Variants in ZNF471 observed in about 807,000 individuals in gnomAD.
ZNF471 encodes zinc finger protein 471.
Under a neutral mutation model 13.7 loss-of-function variants are expected in ZNF471, and 7 were observed. The observed-to-expected ratio is 0.51, with a 90% CI of 0.29 to 0.96. The LOEUF (loss-of-function observed/expected upper bound fraction) is 0.96. ZNF471 is among the 40% of genes least tolerant of loss of function. The probability of loss-of-function intolerance (pLI) is 0.08; values close to 1 mark genes in which losing one functional copy is unlikely to be tolerated. For synonymous variants in ZNF471, 218 were observed against 235.6 expected, an observed-to-expected ratio of 0.93 and a Z score of 0.68; for missense variants, 663 against 743.3, an observed-to-expected ratio of 0.89 and a Z score of 1.26.
rs973689613 is a variant in ZNF471, at chr19:56,525,744, T to C, written c.1677T>C (p.Thr559=). 1.2e-5 allele frequency: 20 copies of C among 1,613,750 alleles called. No individual in the cohort carries two copies. Among genetic ancestry groups the C allele is most frequent in the Non-Finnish European group, 1.5e-5 (18 of 1,179,828 alleles). ...GKAFSQTSNL[T]QHQRIHTGEK... Reference sequence around the variant, plus strand: ...CCTTCAGCCAAACTTCCAATCTTACTCAACATCAAAGAATTCATACTGGAG... The same window carrying C: ...CCTTCAGCCAAACTTCCAATCTTACCCAACATCAAAGAATTCATACTGGAG... Residue 559 remains threonine (T), a synonymous_variant, in exon 5 of 5, where the codon ACT becomes ACC. Transcript: ENST00000308031.
Position 56,525,557 on chromosome 19 carries a change from G to A in ZNF471, c.1490G>A (p.Arg497Lys). The A allele has an allele frequency of 6.2e-7, 1 of 1,614,006 alleles. No homozygotes were observed. The highest frequency in any genetic ancestry group is 8.5e-7 in the Non-Finnish European group (1 of 1,179,986). ...YECKECGKAF[R>K]ISSQLATHQR... ...TGTAAAGAATGTGGAAAAGCTTTTA[G>A]AATCAGTTCACAGCTGGCTACTCAT... The change falls in exon 5 of 5, where the codon AGA becomes AAA. Residue 497 changes from arginine (R) to lysine (K), a missense_variant. By Grantham distance (26) the Arg-to-Lys change is conservative. Coordinates refer to ENST00000308031, the MANE Select transcript of ZNF471 (RefSeq NM_020813.4).
At chr19:56,512,876 C>T (rs946434777) in intron 2 of ZNF471, among the ~76,000 whole-genome samples, 1 of 151,944 alleles carries the variant, frequency 6.6e-6, no homozygotes, top group African/African-American at 2.4e-5. Flanking sequence ...TGGAAAGTTA[C>T]GTTAAATTAA....
intron 3 of ZNF471, 50 bp from the exon 4 acceptor site, chr19:56,518,432 T>C: frequency 6.7e-7 from 1 of 1,482,892 alleles, no homozygotes; most frequent in Non-Finnish European, 9.3e-7. Flanking sequence ...CTTTTAGTTC[T>C]GAAATAACCC....
chr19:56,507,907 A>C lies in ZNF471; in HGVS notation c.-69A>C. ...CTTCGGATGAGAGCGTCTGGGTGCC[A>C]GACGAGGCCGGGGGTTTGTTTTGGG... On this transcript the variant is annotated 5_prime_UTR_variant, in exon 1 of 5. Coordinates refer to ENST00000308031, the MANE Select transcript of ZNF471 (RefSeq NM_020813.4). The C allele has an allele frequency of 1.0e-6, 1 of 985,600 alleles. No individual in the cohort carries two copies. The highest frequency in any genetic ancestry group is 1.2e-6 in the Non-Finnish European group (1 of 830,040). 61.1% of individuals were successfully genotyped at this position (985,600 alleles called of 1,614,324 possible).
chr19:56,518,156 AT>A (rs34394857), intron 3 of ZNF471, among the ~76,000 whole-genome samples: 1 of 152,042 alleles, frequency 6.6e-6, no homozygotes, highest in Non-Finnish European at 1.5e-5. Flanking sequence ...AAGAGTATTG[AT>A]TTTTTTCTAA....
chr19:56,514,032 A>AT (rs1450586150), intron 2 of ZNF471, among the ~76,000 whole-genome samples: 2 of 134,552 alleles, frequency 1.5e-5, no homozygotes, highest in Non-Finnish European at 3.3e-5. Context: ...CTTAGTTTAG[A>AT]TTTTCTTTCA....
chr19:56,526,996 GCCT>G lies in ZNF471; in HGVS notation c.*1053_*1055del, dbSNP rs1430608611. ...CTTGAGCTCTGCTAAGGGACAGACT[GCCT>G]CCTCAAGTGGGTCCCTGACCCCCAT... On this transcript the variant is annotated 3_prime_UTR_variant, in exon 5 of 5. Transcript: ENST00000308031. 6.5e-6 allele frequency: 1 copy of G among 153,818 alleles called. No individual in the cohort carries two copies. The highest frequency in any genetic ancestry group is 1.4e-5 in the Non-Finnish European group (1 of 69,380). 9.5% of individuals were successfully genotyped at this position (153,818 alleles called of 1,614,324 possible). A position where few individuals can be genotyped will look rare whatever the true frequency, so the allele number is the denominator to read the frequency against.
rs909354182 is a variant in ZNF471 at position 56,529,905 on chromosome 19, T to C, written c.*3957T>C. On this transcript the variant is annotated 3_prime_UTR_variant, in exon 5 of 5. Coordinates refer to ENST00000308031, the MANE Select transcript of ZNF471 (RefSeq NM_020813.4). ...TGGTGTTACCTGTCAGCATTTTGAA[T>C]ATAATTACCCTTTGCCACAATTCTA... 2 of 152,214 alleles carry C rather than the reference T, an allele frequency of 1.3e-5. No individual in the cohort carries two copies. Among genetic ancestry groups the C allele is most frequent in the African/African-American group, 4.8e-5 (2 of 41,448 alleles). 9.4% of individuals were successfully genotyped at this position (152,214 alleles called of 1,614,324 possible). A position where few individuals can be genotyped will look rare whatever the true frequency, so the allele number is the denominator to read the frequency against.
chr19:56,514,685 G>T (rs1366632958), intron 2 of ZNF471, among the ~76,000 whole-genome samples: 3 of 151,488 alleles, frequency 2.0e-5, no homozygotes, highest in Admixed American at 2.0e-4. Flanking sequence ...TACTGTTGAT[G>T]TTAATAGATG....
chr19:56,515,696 T>C (rs2043876271), intron 2 of ZNF471, among the ~76,000 whole-genome samples: 1 of 152,196 alleles, frequency 6.6e-6, no homozygotes. Flanking sequence ...ACAATAACTT[T>C]TAAAATTTCT....
chr19:56,510,156 C>G lies in ZNF471; in HGVS notation c.-55-1361C>G. 2.0e-6 allele frequency: 2 copies of G among 985,246 alleles called. No homozygotes were observed. Among genetic ancestry groups the G allele is most frequent in the Non-Finnish European group, 2.4e-6 (2 of 829,940 alleles). 61.0% of individuals were successfully genotyped at this position (985,246 alleles called of 1,614,324 possible). On this transcript the variant is annotated intron_variant, in intron 1 of 4. Coordinates refer to ENST00000308031, the MANE Select transcript of ZNF471 (RefSeq NM_020813.4). This position sits in a 1 kb window ranked among gnomAD's most constrained non-coding sequence, Gnocchi z 4.3. ...ATGAAAAAGATTGGAGTGAGAGTGA[C>G]CAGTATGTATTTTGTGTGCATGAGA...
chr19:56,514,941 A>G (rs548529530), intron 2 of ZNF471, among the ~76,000 whole-genome samples: 13 of 114,182 alleles, frequency 1.1e-4, no homozygotes, highest in African/African-American at 3.4e-4. Context: ...TCACTTACTC[A>G]GTATTAATCC....
rs1294797731 is a variant in ZNF471, at chr19:56,529,526, G to C, written c.*3578G>C. The C allele has an allele frequency of 6.6e-6, 1 of 152,206 alleles. No homozygotes were observed. Among genetic ancestry groups the C allele is most frequent in the Non-Finnish European group, 1.5e-5 (1 of 68,038 alleles). The allele number at this position is 152,206 out of a possible 1,614,324, so 9.4% of individuals were successfully genotyped here. A position where few individuals can be genotyped will look rare whatever the true frequency, so the allele number is the denominator to read the frequency against. ...CATGGCGTAAGATACTGTATGCAAA[G>C]TTAAAAGGCATATGACAGGCTGAGA... On this transcript the variant is annotated 3_prime_UTR_variant, in exon 5 of 5. Coordinates refer to ENST00000308031, the MANE Select transcript of ZNF471 (RefSeq NM_020813.4).
In ZNF471 at chr19:56,529,460, A is replaced by T. The variant is rs2044083965; in HGVS notation, c.*3512A>T. On this transcript the variant is annotated 3_prime_UTR_variant, in exon 5 of 5. Coordinates refer to ENST00000308031, the MANE Select transcript of ZNF471 (RefSeq NM_020813.4). ...GCAGGACAAGGTCCAGAAGCCATGA[A>T]GAGAGAATGACAGGACTGTGTAGAA... 2 of 152,218 alleles carry T rather than the reference A, an allele frequency of 1.3e-5. No individual in the cohort carries two copies. Among genetic ancestry groups the T allele is most frequent in the African/African-American group, 4.8e-5 (2 of 41,456 alleles). The allele number at this position is 152,218 out of a possible 1,614,324, so 9.4% of individuals were successfully genotyped here.
intron 1 of ZNF471, among the ~76,000 whole-genome samples, chr19:56,509,246 C>G (rs1292899731): frequency 6.6e-6 from 1 of 152,110 alleles, no homozygotes; most frequent in Admixed American, 6.6e-5. Flanking sequence ...GTGATTTAAC[C>G]AGTCATGCCT....
Position 56,507,981 on chromosome 19 carries a change from G to A in ZNF471, c.-56+61G>A. The A allele has an allele frequency of 7.1e-6, 7 of 986,004 alleles. No homozygotes were observed. The African/African-American group carries it at 8.7e-5, about 12-fold the overall frequency. 61.1% of individuals were successfully genotyped at this position (986,004 alleles called of 1,614,324 possible). ...GGCTGGGCCAGGAAGGGCAGGCGAG[G>A]CGGGCGGCTCCGACGCGGGTCGCGA... On this transcript the variant is annotated intron_variant, in intron 1 of 4. Coordinates refer to ENST00000308031, the MANE Select transcript of ZNF471 (RefSeq NM_020813.4).
In ZNF471 at chr19:56,529,349, A is replaced by G. The variant is rs919927938; in HGVS notation, c.*3401A>G. On this transcript the variant is annotated 3_prime_UTR_variant, in exon 5 of 5. Transcript: ENST00000308031. ...GACTCCTTACACAGAAGTTCATTCT[A>G]TACTCATTACAGATGTAAGAGGTTA... 2 of 147,808 alleles carry G rather than the reference A, an allele frequency of 1.4e-5. No individual in the cohort carries two copies. Among genetic ancestry groups the G allele is most frequent in the East Asian group, 1.9e-4 (1 of 5,138 alleles). 9.2% of individuals were successfully genotyped at this position (147,808 alleles called of 1,614,324 possible). A position where few individuals can be genotyped will look rare whatever the true frequency, so the allele number is the denominator to read the frequency against.
intron 1 of ZNF471, chr19:56,509,748 TGTGTGTA>T: frequency 6.9e-6 from 2 of 290,186 alleles, no homozygotes; most frequent in South Asian, 2.7e-4. Flanking sequence ...TGTGTGTGTG[TGTGTGTA>T]GATCCCCACA....
At position 56,524,842 on chromosome 19, in the gene ZNF471, G is replaced by A; in HGVS notation, c.775G>A (p.Glu259Lys). ...TCAACATCACAGAACACATACTGGA[G>A]AGAAACTCTTTGAATGTAAAGAATG... Reference protein sequence around the residue: ...LAQHHRTHTGEKLFECKECRK... With the variant: ...LAQHHRTHTGKKLFECKECRK... Residue 259 changes from glutamate to lysine, a missense_variant, in exon 5 of 5, where the codon GAG becomes AAG. Physicochemically the swap from Glu to Lys is moderately conservative, Grantham distance 56. Coordinates refer to ENST00000308031, the MANE Select transcript of ZNF471 (RefSeq NM_020813.4). This position sits in a 1 kb window ranked among gnomAD's most constrained non-coding sequence, Gnocchi z 4.8. 6.2e-7 allele frequency: 1 copy of A among 1,611,770 alleles called. No individual in the cohort carries two copies.
Sources: allele counts gnomAD v4.1 joint callset (sites outside exome capture counted in the v4.1 genomes callset), GRCh38; gene constraint gnomAD v4.1.1; non-coding constraint Gnocchi (gnomAD v3.1); transcripts MANE v1.5; gene names NCBI Gene and HGNC (gene_info 2026-07-23, HGNC 2026-07-21).